Variants in TMEM51 observed in about 807,000 individuals in gnomAD.
TMEM51 encodes the protein chromosome 1 open reading frame 72.
In TMEM51, 8 loss-of-function variants were observed where a neutral mutation model predicts 13.6. The observed-to-expected ratio is 0.59, with a 90% CI of 0.35 to 1.07. TMEM51 has a LOEUF of 1.07. Among genes scored for constraint, TMEM51 ranks in the 50% least tolerant of loss-of-function variants. The pLI is 0.02. For synonymous variants in TMEM51, 147 were observed against 144.4 expected (o/e 1.02, Z -0.13); for missense variants, 279 against 330.7 (o/e 0.84, Z 1.21).
chr1:15,204,426 C>T (rs1218316438), intron 1 of TMEM51, among the ~76,000 whole-genome samples: 3 of 152,212 alleles, frequency 2.0e-5, no homozygotes, highest in South Asian at 2.1e-4. Context: ...TGGTGGCGCA[C>T]GCCTGTAATC....
At chr1:15,172,031 C>G (rs1253021036) in intron 1 of TMEM51, among the ~76,000 whole-genome samples, 3 of 152,190 alleles carry the variant, frequency 2.0e-5, no homozygotes, top group African/African-American at 7.2e-5. Context: ...AACAAGCTCT[C>G]TAGCTGATTA....
chr1:15,156,157 AGT>A (rs1374006073), intron 1 of TMEM51, among the ~76,000 whole-genome samples: 1 of 152,104 alleles, frequency 6.6e-6, no homozygotes, highest in Non-Finnish European at 1.5e-5. Context: ...AGAAGTAGTG[AGT>A]GAGTGTCTGG....
intron 2 of TMEM51, 68 bp from the exon 3 acceptor site, chr1:15,214,827 C>G: frequency 4.1e-6 from 2 of 483,824 alleles, no homozygotes; most frequent in East Asian, 3.6e-5. Context: ...AGAGCAGAGC[C>G]GCCACATTCA....
intron 1 of TMEM51, among the ~76,000 whole-genome samples, chr1:15,190,577 G>A (rs955634974): frequency 3.9e-5 from 6 of 151,970 alleles, no homozygotes; most frequent in African/African-American, 1.5e-4. Flanking sequence ...CTTGTGGTAG[G>A]CTAAATAATG....
At chr1:15,168,406 T>C in intron 1 of TMEM51, 1 of 1,225,968 alleles carries the variant, frequency 8.2e-7, no homozygotes, top group Non-Finnish European at 1.0e-6. Flanking sequence ...GGCAATCTTT[T>C]ACAGACAAAT....
At chr1:15,176,371 C>T (rs1185458903) in intron 1 of TMEM51, among the ~76,000 whole-genome samples, 4 of 152,186 alleles carry the variant, frequency 2.6e-5, no homozygotes, top group South Asian at 2.1e-4. Context: ...ACCCTCAAGA[C>T]GACTCTAAAT....
chr1:15,204,278 G>A (rs1395587501), intron 1 of TMEM51, among the ~76,000 whole-genome samples: 1 of 152,278 alleles, frequency 6.6e-6, no homozygotes, highest in Non-Finnish European at 1.5e-5. Flanking sequence ...CCTAGGCTGG[G>A]TGAGGTGGCT....
chr1:15,214,794 G>A, intron 2 of TMEM51, 101 bp from the exon 3 acceptor site: 1 of 375,588 alleles, frequency 2.7e-6, no homozygotes, highest in Non-Finnish European at 4.8e-6. Flanking sequence ...CGGCGTGCTC[G>A]GTGCTGCTGC....
intron 1 of TMEM51, among the ~76,000 whole-genome samples, chr1:15,187,385 C>T (rs1289625615): frequency 6.6e-6 from 1 of 152,196 alleles, no homozygotes; most frequent in Non-Finnish European, 1.5e-5. Flanking sequence ...GCCCCTGGCC[C>T]CTAGCATGTG....
At chr1:15,200,262 C>T (rs548862656) in intron 1 of TMEM51, among the ~76,000 whole-genome samples, 6 of 151,890 alleles carry the variant, frequency 4.0e-5, no homozygotes, top group Non-Finnish European at 8.8e-5. Context: ...CAAAAAAATG[C>T]CAGGCTTGGT....
intron 3 of TMEM51, among the ~76,000 whole-genome samples, chr1:15,215,701 G>A (rs1234669420): frequency 1.3e-5 from 2 of 152,272 alleles, no homozygotes; most frequent in East Asian, 3.9e-4. Flanking sequence ...TTTACACCAT[G>A]GAATACTATT....
chr1:15,164,871 C>T (rs1485109301), intron 1 of TMEM51, among the ~76,000 whole-genome samples: 2 of 145,176 alleles, frequency 1.4e-5, no homozygotes, highest in East Asian at 2.1e-4. Context: ...GGCACAATCT[C>T]GGCTCACTGC....
rs182079584 is a variant in TMEM51, at chr1:15,208,165, C to T, written c.-266-2325C>T. Among the ~76,000 whole-genome samples the T allele has an allele frequency of 5.1e-4, 78 of 152,300 alleles. 1 individual carries two copies. The highest frequency in any genetic ancestry group is 1.6e-3 in the Admixed American group (25 of 15,306). Reference sequence around the variant, plus strand: ...ACAAGAAAGCAAAATGAGATTACTACTGACTGCAAAGTGTTATCATCACCC... The same window carrying T: ...ACAAGAAAGCAAAATGAGATTACTATTGACTGCAAAGTGTTATCATCACCC... On this transcript the variant is annotated intron_variant, in intron 1 of 3. Transcript: ENST00000376008.
intron 1 of TMEM51, among the ~76,000 whole-genome samples, chr1:15,189,776 G>A (rs576819765): frequency 1.8e-4 from 27 of 152,284 alleles, no homozygotes; most frequent in Non-Finnish European, 1.5e-4. Flanking sequence ...GGCTGGTACC[G>A]GGGCAGGGCT....
At chr1:15,183,994 G>T (rs1442684811) in intron 1 of TMEM51, among the ~76,000 whole-genome samples, 3 of 152,160 alleles carry the variant, frequency 2.0e-5, no homozygotes, top group Non-Finnish European at 4.4e-5. Context: ...CTGAGTGTCT[G>T]CATTTCTTTC....
At position 15,160,935 on chromosome 1, in the gene TMEM51, G is replaced by A. The variant is rs1573369885; in HGVS notation, c.-267+6981G>A. 2.6e-5 allele frequency among the ~76,000 whole-genome samples: 4 copies of A among 151,804 alleles called. No homozygotes were observed. In the East Asian group the frequency reaches 5.8e-4, roughly 22 times the overall value. ...CTTAACAACATGTGAATAAAGATGA[G>A]GAAGCACAGCCCGTGAAGGAGGAGG... is the stretch of plus-strand genomic sequence containing the variant. On this transcript the variant is annotated intron_variant, in intron 1 of 3. Transcript: ENST00000376008.
At chr1:15,166,851 A>C (rs766987100) in intron 1 of TMEM51, among the ~76,000 whole-genome samples, 3 of 152,216 alleles carry the variant, frequency 2.0e-5, no homozygotes, top group Non-Finnish European at 4.4e-5. Flanking sequence ...ATCAAGATGT[A>C]GCAAAGTTCC....
rs889445109 is a variant in TMEM51, at chr1:15,215,011, G to C, written c.-77G>C. ...AGAGATTTTGTGGAGCGCATTTAAG[G>C]GGTTTTTGTTGTGACTGCTGCCTTG... is the stretch of plus-strand genomic sequence containing the variant. On this transcript the variant is annotated 5_prime_UTR_variant, in exon 3 of 4. Transcript: ENST00000376008. 2.2e-6 allele frequency: 3 copies of C among 1,338,552 alleles called. No individual in the cohort carries two copies. The Admixed American group carries it at 6.2e-5, about 28-fold the overall frequency. The allele number at this position is 1,338,552 out of a possible 1,614,324, so 82.9% of individuals were successfully genotyped here.
At chr1:15,159,352 G>A (rs777992027) in intron 1 of TMEM51, among the ~76,000 whole-genome samples, 4 of 152,092 alleles carry the variant, frequency 2.6e-5, no homozygotes, top group South Asian at 2.1e-4. Flanking sequence ...ACAAATGAGC[G>A]ACTCAAAACA....
Sources: allele counts gnomAD v4.1 joint callset (sites outside exome capture counted in the v4.1 genomes callset), GRCh38; gene constraint gnomAD v4.1.1; transcripts MANE v1.5; gene names NCBI Gene and HGNC (gene_info 2026-07-23, HGNC 2026-07-21).